Variants in CYB5R4 observed in about 807,000 individuals in gnomAD.
The protein encoded by CYB5R4 is N-terminal cytochrome b5 and cytochrome b5 oxidoreductase domain-containing protein.
In CYB5R4, 55 loss-of-function variants were observed where a neutral mutation model predicts 70.2. The ratio of observed to expected loss-of-function variants is 0.78; its 90% CI spans 0.63 to 0.98. The LOEUF (loss-of-function observed/expected upper bound fraction) is 0.98. Among genes scored for constraint, CYB5R4 ranks in the 50% least tolerant of loss-of-function variants. The pLI is 0.00. For missense variants in CYB5R4, 562 were observed against 612.6 expected (o/e 0.92, Z 0.87); for synonymous variants, 197 against 199.5 (o/e 0.99, Z 0.11).
chr6:83,919,764 G>C (rs1055352026), intron 7 of CYB5R4, among the ~76,000 whole-genome samples: 2 of 121,114 alleles, frequency 1.7e-5, no homozygotes, highest in Admixed American at 1.7e-4. Flanking sequence ...GTTTTTCTGT[G>C]TGTGTGTGTG....
At chr6:83,950,466 C>T (rs928560965) in intron 14 of CYB5R4, among the ~76,000 whole-genome samples, 3 of 152,166 alleles carry the variant, frequency 2.0e-5, no homozygotes, top group Non-Finnish European at 4.4e-5. Context: ...CACCTGCTCC[C>T]ATCAGCAGAA....
chr6:83,913,330 A>G (rs1405159461), intron 4 of CYB5R4, among the ~76,000 whole-genome samples: 2 of 152,324 alleles, frequency 1.3e-5, no homozygotes, highest in Non-Finnish European at 2.9e-5. Context: ...TTTAGGAAAT[A>G]TTAACTCCTG....
chr6:83,919,506 T>C (rs2099466027), intron 7 of CYB5R4, 52 bp downstream of exon 7: 8 of 987,358 alleles, frequency 8.1e-6, no homozygotes, highest in Non-Finnish European at 1.2e-5. Context: ...TGTTAATTTA[T>C]GTACCAGGTC....
At chr6:83,891,954 T>G (rs1441200622) in intron 2 of CYB5R4, among the ~76,000 whole-genome samples, 3 of 152,200 alleles carry the variant, frequency 2.0e-5, no homozygotes, top group Non-Finnish European at 4.4e-5. Flanking sequence ...CAGTCAGGAC[T>G]TGATTGTAGA....
intron 3 of CYB5R4, among the ~76,000 whole-genome samples, chr6:83,894,934 C>T (rs371732931): frequency 9.9e-5 from 15 of 152,172 alleles, no homozygotes; most frequent in South Asian, 2.1e-4. Flanking sequence ...TAAATGGACT[C>T]GGTTGCAGTT....
chr6:83,958,767 C>A (rs1301110996), intron 15 of CYB5R4, among the ~76,000 whole-genome samples: 1 of 152,140 alleles, frequency 6.6e-6, no homozygotes, highest in African/African-American at 2.4e-5. Context: ...AAGCATCTTA[C>A]AATCATTTGC....
intron 2 of CYB5R4, among the ~76,000 whole-genome samples, chr6:83,874,034 G>A (rs2099458084): frequency 6.6e-6 from 1 of 151,860 alleles, no homozygotes; most frequent in Non-Finnish European, 1.5e-5. Flanking sequence ...AACTTGAAGT[G>A]GTAGCCATAT....
chr6:83,917,488 G>A (rs1378274370), intron 5 of CYB5R4, among the ~76,000 whole-genome samples: 2 of 152,076 alleles, frequency 1.3e-5, no homozygotes, highest in Non-Finnish European at 2.9e-5. Flanking sequence ...TTCATCAACA[G>A]GAGAATGAAT....
At chr6:83,939,515 T>C (rs1418821697) in intron 12 of CYB5R4, among the ~76,000 whole-genome samples, 1 of 152,168 alleles carries the variant, frequency 6.6e-6, no homozygotes, top group Non-Finnish European at 1.5e-5. Context: ...TTTCAAAAAT[T>C]TGGTAGAAGA....
chr6:83,917,728 A>G (rs1247303279), intron 5 of CYB5R4, among the ~76,000 whole-genome samples: 1 of 152,150 alleles, frequency 6.6e-6, no homozygotes, highest in Non-Finnish European at 1.5e-5. Flanking sequence ...AACACAGGCA[A>G]ATACTAACCA....
At chr6:83,923,962 C>T (rs887210368) in intron 9 of CYB5R4, among the ~76,000 whole-genome samples, 1 of 147,298 alleles carries the variant, frequency 6.8e-6, no homozygotes, top group Non-Finnish European at 1.5e-5. Context: ...CCCAGCTACT[C>T]AGGAGGCTGA....
At chr6:83,905,738 G>A (rs2099463655) in intron 3 of CYB5R4, among the ~76,000 whole-genome samples, 1 of 152,064 alleles carries the variant, frequency 6.6e-6, no homozygotes, top group African/African-American at 2.4e-5. Context: ...GGCAACAGTG[G>A]GTGAGTTCTT....
chr6:83,951,238 C>T (rs183076690), intron 14 of CYB5R4, among the ~76,000 whole-genome samples: 218 of 152,216 alleles, frequency 1.4e-3, no homozygotes, highest in African/African-American at 5.0e-3. Flanking sequence ...TGTTCAATAC[C>T]TCTCTAACTA....
intron 10 of CYB5R4, among the ~76,000 whole-genome samples, chr6:83,925,465 T>C (rs1170131188): frequency 1.3e-5 from 2 of 152,224 alleles, no homozygotes; most frequent in Non-Finnish European, 2.9e-5. Flanking sequence ...TCATTTCTTT[T>C]CATTTTTAAA....
At chr6:83,940,352 C>T in intron 13 of CYB5R4, 146 bp downstream of exon 13, 1 of 1,076,766 alleles carries the variant, frequency 9.3e-7, no homozygotes, top group Non-Finnish European at 1.3e-6. Context: ...CTAATCCTAG[C>T]TATTTTATTA....
chr6:83,912,121 A>C (rs1027825823), intron 4 of CYB5R4, among the ~76,000 whole-genome samples: 1 of 151,038 alleles, frequency 6.6e-6, no homozygotes, highest in African/African-American at 2.4e-5. Flanking sequence ...TATTTTTTGA[A>C]TAAGTATTGC....
intron 15 of CYB5R4, among the ~76,000 whole-genome samples, chr6:83,957,900 T>C (rs2099472675): frequency 6.6e-6 from 1 of 152,190 alleles, no homozygotes; most frequent in Non-Finnish European, 1.5e-5. Flanking sequence ...TTGGTTTCCT[T>C]ATCCTCATCA....
intron 3 of CYB5R4, among the ~76,000 whole-genome samples, chr6:83,900,417 G>A (rs771871172): frequency 5.1e-4 from 77 of 152,180 alleles, no homozygotes; most frequent in Non-Finnish European, 9.6e-4. Context: ...TAAGTGCGGT[G>A]TGGTGCTGAG....
intron 2 of CYB5R4, among the ~76,000 whole-genome samples, chr6:83,892,841 CCTCTCTCT>C: frequency 6.9e-6 from 1 of 145,218 alleles, no homozygotes; most frequent in East Asian, 2.0e-4. Flanking sequence ...TCTCTCTCTT[CCTCTCTCT>C]CTCTCTCTCT....
Sources: gnomAD v4.1 joint callset for allele counts (sites outside exome capture counted in the v4.1 genomes callset) on GRCh38, gnomAD v4.1.1 for gene constraint, MANE v1.5 for transcripts, NCBI Gene and HGNC (gene_info 2026-07-23, HGNC 2026-07-21) for gene names.